The following RCOR3 variants were observed in gnomAD, a reference collection of about 807,000 sequenced individuals.
RCOR3 encodes the protein REST corepressor 3.
Under a neutral mutation model 64.1 loss-of-function variants are expected in RCOR3, and 13 were observed. That is an observed-to-expected ratio of 0.20 (90% CI 0.13 to 0.32). The LOEUF (loss-of-function observed/expected upper bound fraction) is 0.32, where lower values mean the gene tolerates loss of function less well. Ranked by LOEUF, RCOR3 falls within the 10% of genes least tolerant of loss-of-function variation. The probability of loss-of-function intolerance (pLI) is 1.00; values close to 1 mark genes in which losing one functional copy is unlikely to be tolerated. For synonymous variants in RCOR3, 215 were observed against 239.0 expected, an observed-to-expected ratio of 0.90 and a Z score of 0.93; for missense variants, 489 against 701.2, an observed-to-expected ratio of 0.70 and a Z score of 3.42.
intron 8 of RCOR3, among the ~76,000 whole-genome samples, chr1:211,293,098 T>TAAATAAAA (rs1049988353): frequency 1.4e-5 from 2 of 141,848 alleles, no homozygotes; most frequent in African/African-American, 4.9e-5. Context: ...AATAAATAAA[T>TAAATAAAA]AAATAAATAA....
chr1:211,263,811 T>C (rs1289645242), intron 2 of RCOR3, among the ~76,000 whole-genome samples: 1 of 14,308 alleles, frequency 7.0e-5, no homozygotes, highest in African/African-American at 1.3e-4. Context: ...GAAAAGTTTT[T>C]TTTGTTTTGT....
At position 211,315,822 on chromosome 1, in the gene RCOR3, A is replaced by G. The variant is rs1048160020; in HGVS notation, c.*2054A>G. The stretch of plus-strand genomic sequence containing the variant: ...ATGTGCTGTAATTTGATTTACATGC[A>G]TTAGAGCACACAGTAGAAAAACTTT... On this transcript the variant is annotated 3_prime_UTR_variant, in exon 12 of 12. Transcript: ENST00000419091. 1 of 152,242 alleles carries G rather than the reference A, an allele frequency of 6.6e-6. No individual in the cohort carries two copies. The highest frequency in any genetic ancestry group is 1.5e-5 in the Non-Finnish European group (1 of 68,046). The allele number at this position is 152,242 out of a possible 1,614,324, so 9.4% of individuals were successfully genotyped here.
At chr1:211,295,269 GAA>G (rs919860162) in intron 8 of RCOR3, among the ~76,000 whole-genome samples, 72 of 152,096 alleles carry the variant, frequency 4.7e-4, no homozygotes, top group African/African-American at 1.7e-3. Flanking sequence ...AAAGGACTGA[GAA>G]TGATGTTTTA....
Position 211,259,716 on chromosome 1 carries a change from C to G in RCOR3, c.156C>G (p.Asp52Glu). 6.6e-7 allele frequency: 1 copy of G among 1,512,190 alleles called. No homozygotes were observed. The highest frequency in any genetic ancestry group is 8.9e-7 in the Non-Finnish European group (1 of 1,129,242). 93.7% of individuals were successfully genotyped at this position (1,512,190 alleles called of 1,614,324 possible). A position where few individuals can be genotyped will look rare whatever the true frequency, so the allele number is the denominator to read the frequency against. Residue 52 changes from aspartate (D) to glutamate (E), a missense_variant, in exon 1 of 12, where the codon GAC becomes GAG. Physicochemically the swap from Asp to Glu is conservative, Grantham distance 45 (BLOSUM62 2). Transcript: ENST00000419091. The stretch of plus-strand genomic sequence containing the variant: ...AGCCCGAGAGCGGCTGCAGCAGCGA[C>G]GACGAGCACGGTGGTAGCCTCGAAC... Reference protein sequence around the residue: ...YSEPESGCSSDDEHDVGMRVG... With the variant: ...YSEPESGCSSEDEHDVGMRVG...
intron 10 of RCOR3, among the ~76,000 whole-genome samples, chr1:211,311,683 CTT>C (rs1014474607): frequency 5.3e-5 from 8 of 152,074 alleles, no homozygotes; most frequent in Admixed American, 1.3e-4. Context: ...TTTCTCATCT[CTT>C]TCATTAGTGA....
chr1:211,309,659 C>T (rs866184241), intron 10 of RCOR3, among the ~76,000 whole-genome samples: 4 of 152,308 alleles, frequency 2.6e-5, no homozygotes, highest in South Asian at 2.1e-4. Flanking sequence ...TTTACATCTT[C>T]AGGAAGAGAG....
rs923948610 is a variant in RCOR3 at position 211,315,672 on chromosome 1, C to T, written c.*1904C>T. Reference sequence around the variant, plus strand: ...GTCTCTTGTCAGTAGACCTTCAGTACACAGTATGTGGGATATGTCAGTCAA... The same window carrying T: ...GTCTCTTGTCAGTAGACCTTCAGTATACAGTATGTGGGATATGTCAGTCAA... On this transcript the variant is annotated 3_prime_UTR_variant, in exon 12 of 12. Coordinates refer to ENST00000419091, the MANE Select transcript of RCOR3 (RefSeq NM_001136223.3). 18 of 152,148 alleles carry T rather than the reference C, an allele frequency of 1.2e-4. No homozygotes were observed. Among genetic ancestry groups the T allele is most frequent in the Admixed American group, 8.5e-4 (13 of 15,272 alleles). The allele number at this position is 152,148 out of a possible 1,614,324, so 9.4% of individuals were successfully genotyped here.
chr1:211,276,934 A>C (rs1257715640), intron 5 of RCOR3, among the ~76,000 whole-genome samples: 1 of 151,888 alleles, frequency 6.6e-6, no homozygotes, highest in Non-Finnish European at 1.5e-5. Context: ...AAAATACAAA[A>C]AATTAGCTGG....
intron 1 of RCOR3, 131 bp downstream of exon 1, chr1:211,259,857 C>T: frequency 9.2e-7 from 1 of 1,087,804 alleles, no homozygotes; most frequent in Non-Finnish European, 1.2e-6. Flanking sequence ...GCCTCGAACT[C>T]CCGGTGCAGT....
At chr1:211,260,040 G>A in intron 1 of RCOR3, 68 bp from the exon 2 acceptor site, 1 of 1,458,252 alleles carries the variant, frequency 6.9e-7, no homozygotes, top group Non-Finnish European at 9.0e-7. Context: ...TTTTTTAAGT[G>A]TCTCTTCCTT....
chr1:211,272,047 A>G (rs1189936160), intron 3 of RCOR3, among the ~76,000 whole-genome samples: 2 of 152,226 alleles, frequency 1.3e-5, no homozygotes, highest in African/African-American at 2.4e-5. Context: ...TACCATGAAA[A>G]TTAATGATAT....
rs1693933925 is a variant in RCOR3 at position 211,260,013 on chromosome 1, C to T, written c.167-95C>T. The stretch of plus-strand genomic sequence containing the variant: ...CCCATCCACCCGCCGCTTCTTTCCT[C>T]CATCTAGCGATTTTTATTTTTTAAG... On this transcript the variant is annotated intron_variant, in intron 1 of 11. Coordinates refer to ENST00000419091, the MANE Select transcript of RCOR3 (RefSeq NM_001136223.3). 3 of 1,416,298 alleles carry T rather than the reference C, an allele frequency of 2.1e-6. No homozygotes were observed. The South Asian group carries it at 4.7e-5, about 22-fold the overall frequency. The allele number at this position is 1,416,298 out of a possible 1,614,324, so 87.7% of individuals were successfully genotyped here. A position where few individuals can be genotyped will look rare whatever the true frequency, so the allele number is the denominator to read the frequency against.
chr1:211,312,165 T>A lies in RCOR3; in HGVS notation c.1076-555T>A, dbSNP rs1423229033. The A allele has an allele frequency of 4.8e-6, 1 of 208,658 alleles. No homozygotes were observed. Among genetic ancestry groups the A allele is most frequent in the Non-Finnish European group, 1.0e-5 (1 of 95,776 alleles). The allele number at this position is 208,658 out of a possible 1,614,324, so 12.9% of individuals were successfully genotyped here. On this transcript the variant is annotated intron_variant, in intron 10 of 11. Coordinates refer to ENST00000419091, the MANE Select transcript of RCOR3 (RefSeq NM_001136223.3). This position sits in a 1 kb window ranked among gnomAD's most constrained non-coding sequence, Gnocchi z 5.0. ...CCTGCTTTTCATGTTTAAGTTCTTA[T>A]CTAATTTCAATTTGTTGGTACCCTG...
At chr1:211,308,696 T>TGTG (rs1701169741) in intron 10 of RCOR3, among the ~76,000 whole-genome samples, 20 of 46,032 alleles carry the variant, frequency 4.3e-4, no homozygotes, top group African/African-American at 1.2e-3. Flanking sequence ...TTTTTTTTTT[T>TGTG]TTTGTGTAGT....
chr1:211,313,141 T>C lies in RCOR3; in HGVS notation c.1317+180T>C, dbSNP rs1293035252. 1.4e-6 allele frequency: 2 copies of C among 1,477,874 alleles called. No individual in the cohort carries two copies. The highest frequency in any genetic ancestry group is 1.8e-6 in the Non-Finnish European group (2 of 1,123,382). 91.5% of individuals were successfully genotyped at this position (1,477,874 alleles called of 1,614,324 possible). A position where few individuals can be genotyped will look rare whatever the true frequency, so the allele number is the denominator to read the frequency against. The stretch of plus-strand genomic sequence containing the variant: ...GTCATAATGACATGCTAAGTTCTGA[T>C]TCTAGAAGAATGGAGAGTGTATTGT... On this transcript the variant is annotated intron_variant, in intron 11 of 11. Transcript: ENST00000419091. This position sits in a 1 kb window ranked among gnomAD's most constrained non-coding sequence, Gnocchi z 4.7.
At chr1:211,273,042 G>T (rs924424904) in intron 3 of RCOR3, among the ~76,000 whole-genome samples, 2 of 152,106 alleles carry the variant, frequency 1.3e-5, no homozygotes, top group Non-Finnish European at 2.9e-5. Context: ...AAGTGCTTTG[G>T]GCTGTAAACA....
At chr1:211,308,684 G>GTTT (rs71585833) in intron 10 of RCOR3, among the ~76,000 whole-genome samples, 17 of 42,054 alleles carry the variant, frequency 4.0e-4, no homozygotes, top group South Asian at 1.0e-3. Flanking sequence ...TTTTTTTTTT[G>GTTT]TTTTTTTTTT....
At chr1:211,270,748 AAAATATTTACT>A (rs1477963237) in intron 2 of RCOR3, among the ~76,000 whole-genome samples, 1 of 152,252 alleles carries the variant, frequency 6.6e-6, no homozygotes, top group Non-Finnish European at 1.5e-5. Flanking sequence ...TTTTATAAGC[AAAATATTTACT>A]ATATGTAATG....
chr1:211,291,493 T>G (rs1190725783), intron 8 of RCOR3: 1 of 445,358 alleles, frequency 2.2e-6, no homozygotes, highest in Admixed American at 2.5e-5. Flanking sequence ...ATACTCAACC[T>G]GGATATGTTT....
Sources: allele counts gnomAD v4.1 joint callset (sites outside exome capture counted in the v4.1 genomes callset), GRCh38; gene constraint gnomAD v4.1.1; non-coding constraint Gnocchi (gnomAD v3.1); transcripts MANE v1.5; gene names NCBI Gene and HGNC (gene_info 2026-07-23, HGNC 2026-07-21).